The following ENTREP1 variants were observed in gnomAD, a reference collection of about 807,000 sequenced individuals.
The protein encoded by ENTREP1 is Friedreich ataxia region gene X123.
the ENTREP1 span, among the ~76,000 whole-genome samples, chr9:69,367,774 TAA>T: frequency 1.1e-5 from 1 of 89,886 alleles, no homozygotes; most frequent in Admixed American, 1.3e-4. Context: ...CACATATATA[TAA>T]ATATATATAC....
chr9:69,340,731 G>GTA, the ENTREP1 span, among the ~76,000 whole-genome samples: 8 of 135,072 alleles, frequency 5.9e-5, no homozygotes, highest in Admixed American at 3.8e-4. Flanking sequence ...GCATGTGTGT[G>GTA]TGTATGTGTG....
chr9:69,386,601 T>A, the ENTREP1 span: 1 of 152,118 alleles, frequency 6.6e-6, no homozygotes, highest in African/African-American at 2.4e-5. Flanking sequence ...AAAATTAAAA[T>A]CTCCTGTAAC....
the ENTREP1 span, among the ~76,000 whole-genome samples, chr9:69,365,625 A>G: frequency 6.6e-6 from 1 of 151,976 alleles, no homozygotes; most frequent in Non-Finnish European, 1.5e-5. Context: ...CCTTCTATCT[A>G]ATTGTGTTTG....
chr9:69,325,160 G>GT, the ENTREP1 span: 2 of 1,036,356 alleles, frequency 1.9e-6, no homozygotes, highest in South Asian at 9.2e-5. Flanking sequence ...GCGGCAGCAA[G>GT]TGGTTGGGCC....
chr9:69,391,477 C>CT, the ENTREP1 span: 220,013 of 676,064 alleles, frequency 0.33, 22,365 homozygotes, highest in African/African-American at 0.55. Context: ...GGGAAAATGC[C>CT]TTTTTTTTTT....
chr9:69,350,912 A>G, the ENTREP1 span, among the ~76,000 whole-genome samples: 1 of 152,186 alleles, frequency 6.6e-6, no homozygotes, highest in African/African-American at 2.4e-5. Context: ...TTGAAAATCA[A>G]TAAAATTTGA....
chr9:69,324,927 C>A, the ENTREP1 span: 2 of 985,162 alleles, frequency 2.0e-6, no homozygotes, highest in South Asian at 9.4e-5. Flanking sequence ...TGCCTCCCAC[C>A]TCGAGGGACT....
the ENTREP1 span, chr9:69,382,387 C>T: frequency 6.6e-6 from 1 of 152,172 alleles, no homozygotes; most frequent in Non-Finnish European, 1.5e-5. Context: ...TGCCAGGACC[C>T]CTCCCCCACG....
At chr9:69,375,153 A>G in the ENTREP1 span, among the ~76,000 whole-genome samples, 1 of 152,258 alleles carries the variant, frequency 6.6e-6, no homozygotes, top group Non-Finnish European at 1.5e-5. Flanking sequence ...GAAGAGCTGG[A>G]CATCTATGTT....
At chr9:69,325,356 G>T in the ENTREP1 span, 1 of 1,180,128 alleles carries the variant, frequency 8.5e-7, no homozygotes, top group Non-Finnish European at 1.0e-6. Context: ...CCCGTGGCTG[G>T]GCTTTCGGGT....
chr9:69,385,752 A>G, the ENTREP1 span: 7 of 1,418,838 alleles, frequency 4.9e-6, no homozygotes, highest in Middle Eastern at 2.4e-4. Flanking sequence ...GAGATAATTT[A>G]TGTTTCGCCT....
At chr9:69,344,806 G>A in the ENTREP1 span, among the ~76,000 whole-genome samples, 1 of 152,142 alleles carries the variant, frequency 6.6e-6, no homozygotes, top group South Asian at 2.1e-4. Context: ...TTTTCCTGTG[G>A]CATGACCTTG....
the ENTREP1 span, among the ~76,000 whole-genome samples, chr9:69,378,126 T>C: frequency 1.3e-5 from 2 of 152,166 alleles, no homozygotes; most frequent in African/African-American, 4.8e-5. Context: ...TCAATTAGCT[T>C]TCTAAGGGAA....
At chr9:69,382,924 GC>G in the ENTREP1 span, 7 of 676,468 alleles carry the variant, frequency 1.0e-5, no homozygotes, top group Non-Finnish European at 1.3e-5. Context: ...AGGTGTTCTG[GC>G]TTTTATATGT....
the ENTREP1 span, chr9:69,377,445 C>T: frequency 2.5e-6 from 4 of 1,614,066 alleles, no homozygotes; most frequent in Non-Finnish European, 3.4e-6. Flanking sequence ...CCTCCGCTAC[C>T]TCCAGATATT....
chr9:69,383,102 CAA>C, the ENTREP1 span: 12 of 985,072 alleles, frequency 1.2e-5, no homozygotes, highest in African/African-American at 1.7e-5. Flanking sequence ...AGGACAAAAA[CAA>C]GAGTCATGTA....
the ENTREP1 span, among the ~76,000 whole-genome samples, chr9:69,384,468 TATTA>T: frequency 2.6e-5 from 4 of 152,246 alleles, no homozygotes; most frequent in Admixed American, 2.6e-4. Flanking sequence ...TTCTTCCTCC[TATTA>T]ATTAAAATTA....
chr9:69,388,412 A>G, the ENTREP1 span: 2 of 1,611,206 alleles, frequency 1.2e-6, no homozygotes, highest in Non-Finnish European at 1.7e-6. Flanking sequence ...TGAGGAGCAC[A>G]TGGAGGAAGC....
the ENTREP1 span, among the ~76,000 whole-genome samples, chr9:69,355,704 A>G: frequency 6.6e-6 from 1 of 152,194 alleles, no homozygotes; most frequent in Non-Finnish European, 1.5e-5. Context: ...TTGCAGTTAG[A>G]TGGCAGCCAG....
Sources: gnomAD v4.1 joint callset for allele counts (sites outside exome capture counted in the v4.1 genomes callset) on GRCh38, gnomAD v4.1.1 for gene constraint, MANE v1.5 for transcripts, NCBI Gene and HGNC (gene_info 2026-07-23, HGNC 2026-07-21) for gene names.